The following HHAT variants were observed in gnomAD, a reference collection of about 807,000 sequenced individuals.
HHAT encodes the protein hedgehog acyltransferase, also known as protein-cysteine N-palmitoyltransferase HHAT.
In HHAT, 47 loss-of-function variants were observed where a neutral mutation model predicts 70.8. That is an observed-to-expected ratio of 0.66 (90% CI 0.53 to 0.85). The LOEUF (loss-of-function observed/expected upper bound fraction) is 0.85. HHAT is among the 40% of genes least tolerant of loss of function. The pLI is 0.00. For missense variants in HHAT, 609 were observed against 604.8 expected (o/e 1.01, Z -0.07); for synonymous variants, 228 against 247.6 (o/e 0.92, Z 0.74).
chr1:210,432,368 C>T (rs972619684), intron 7 of HHAT, among the ~76,000 whole-genome samples: 5 of 151,812 alleles, frequency 3.3e-5, no homozygotes, highest in African/African-American at 1.2e-4. Flanking sequence ...AGGAGGAAGC[C>T]AGTGGTTTTG....
intron 7 of HHAT, among the ~76,000 whole-genome samples, chr1:210,435,969 C>A (rs1283932090): frequency 6.6e-6 from 1 of 151,744 alleles, no homozygotes; most frequent in African/African-American, 2.4e-5. Flanking sequence ...TAGCTTGATA[C>A]AATCCATTTA....
At chr1:210,635,989 T>C (rs1321031505) in intron 11 of HHAT, among the ~76,000 whole-genome samples, 1 of 152,242 alleles carries the variant, frequency 6.6e-6, no homozygotes, top group African/African-American at 2.4e-5. Flanking sequence ...TTCAGGTTCG[T>C]CTTTTGTTTC....
chr1:210,490,537 C>T (rs562310730), intron 8 of HHAT, among the ~76,000 whole-genome samples: 27 of 152,232 alleles, frequency 1.8e-4, no homozygotes, highest in Non-Finnish European at 2.6e-4. Flanking sequence ...TCTTGTTCAC[C>T]CAAGAGGTGA....
intron 1 of HHAT, among the ~76,000 whole-genome samples, chr1:210,331,134 A>C (rs2147898102): frequency 6.6e-6 from 1 of 152,178 alleles, no homozygotes; most frequent in African/African-American, 2.4e-5. Flanking sequence ...CCTGCATTAC[A>C]TTTATTGTGG....
chr1:210,607,150 C>T (rs1427400809), intron 10 of HHAT, among the ~76,000 whole-genome samples: 4 of 151,780 alleles, frequency 2.6e-5, no homozygotes, highest in Non-Finnish European at 5.9e-5. Context: ...CTACCTGGTG[C>T]CTCTATGCCT....
chr1:210,505,150 C>T (rs181489541), intron 8 of HHAT, among the ~76,000 whole-genome samples: 41 of 152,260 alleles, frequency 2.7e-4, no homozygotes, highest in African/African-American at 5.8e-4. Context: ...ACACCCGCCT[C>T]GGCCTCCCAA....
chr1:210,552,749 G>A (rs1047787122), intron 9 of HHAT, among the ~76,000 whole-genome samples: 5 of 152,200 alleles, frequency 3.3e-5, no homozygotes, highest in Admixed American at 3.3e-4. Context: ...GCAATTCCTG[G>A]AGAGGGCTCA....
intron 3 of HHAT, among the ~76,000 whole-genome samples, chr1:210,365,299 A>G (rs932353642): frequency 2.1e-5 from 3 of 141,724 alleles, no homozygotes; most frequent in African/African-American, 8.0e-5. Flanking sequence ...AAACCTCAGT[A>G]CTGCTGACAG....
intron 9 of HHAT, among the ~76,000 whole-genome samples, chr1:210,529,096 G>A: frequency 6.6e-6 from 1 of 152,144 alleles, no homozygotes; most frequent in East Asian, 1.9e-4. Context: ...CCTGAGGTCA[G>A]GAGTTCGAGA....
chr1:210,575,102 ATGCC>A (rs1657341150), intron 9 of HHAT, among the ~76,000 whole-genome samples: 1 of 151,830 alleles, frequency 6.6e-6, no homozygotes. Context: ...AGATTGGGAA[ATGCC>A]TTAGGGGCAA....
chr1:210,338,891 A>C (rs1194357402), intron 1 of HHAT, among the ~76,000 whole-genome samples: 1 of 152,144 alleles, frequency 6.6e-6, no homozygotes, highest in Non-Finnish European at 1.5e-5. Flanking sequence ...AAAACACAAC[A>C]ATCAGAACTG....
intron 7 of HHAT, among the ~76,000 whole-genome samples, chr1:210,459,392 A>C (rs944137561): frequency 1.5e-4 from 23 of 152,172 alleles, no homozygotes; most frequent in African/African-American, 5.1e-4. Flanking sequence ...TCAAACATCA[A>C]CCATATGGCA....
intron 9 of HHAT, among the ~76,000 whole-genome samples, chr1:210,522,604 C>T (rs1018878743): frequency 3.3e-5 from 5 of 152,162 alleles, no homozygotes; most frequent in African/African-American, 1.2e-4. Context: ...CACATCCACC[C>T]CTTCCTTTCT....
intron 7 of HHAT, among the ~76,000 whole-genome samples, chr1:210,434,232 C>T (rs538498912): frequency 6.6e-5 from 10 of 151,886 alleles, no homozygotes; most frequent in East Asian, 3.9e-4. Flanking sequence ...ACTGTTCATT[C>T]GGGGGAATAT....
At chr1:210,653,135 A>G (rs150273235) in intron 11 of HHAT, among the ~76,000 whole-genome samples, 24 of 141,342 alleles carry the variant, frequency 1.7e-4, no homozygotes, top group African/African-American at 6.7e-4. Context: ...AGCTTTATAC[A>G]TACATACATA....
At chr1:210,420,364 A>G (rs1211453797) in intron 7 of HHAT, among the ~76,000 whole-genome samples, 1 of 152,200 alleles carries the variant, frequency 6.6e-6, no homozygotes, top group Non-Finnish European at 1.5e-5. Context: ...CAGTGTATCC[A>G]TATACAAGAA....
At chr1:210,337,304 T>G (rs558252773) in intron 1 of HHAT, among the ~76,000 whole-genome samples, 63 of 152,212 alleles carry the variant, frequency 4.1e-4, no homozygotes, top group Non-Finnish European at 7.6e-4. Flanking sequence ...CTGTTTTCTA[T>G]AAATCCTTTC....
At chr1:210,364,171 C>G (rs979395030) in intron 3 of HHAT, among the ~76,000 whole-genome samples, 3 of 152,190 alleles carry the variant, frequency 2.0e-5, no homozygotes, top group Non-Finnish European at 4.4e-5. Flanking sequence ...TCCATGAAAA[C>G]TTAGATGTAA....
intron 7 of HHAT, among the ~76,000 whole-genome samples, chr1:210,447,021 T>A (rs1217429713): frequency 6.6e-6 from 1 of 152,162 alleles, no homozygotes; most frequent in African/African-American, 2.4e-5. Context: ...AATATATGAG[T>A]AGTGCAGCGG....
Sources: gnomAD v4.1 joint callset for allele counts (sites outside exome capture counted in the v4.1 genomes callset) on GRCh38, gnomAD v4.1.1 for gene constraint, MANE v1.5 for transcripts, NCBI Gene and HGNC (gene_info 2026-07-23, HGNC 2026-07-21) for gene names.